Variants in MOK observed in about 807,000 individuals in gnomAD.
The protein encoded by MOK is MAPK/MAK/MRK overlapping kinase.
In MOK, 59 loss-of-function variants were observed where a neutral mutation model predicts 54.2. The ratio of observed to expected loss-of-function variants is 1.09; its 90% CI spans 0.88 to 1.35. The LOEUF (loss-of-function observed/expected upper bound fraction) is 1.35, where lower values mean the gene tolerates loss of function less well. Among genes scored for constraint, MOK ranks in the 40% most tolerant of loss-of-function variants. MOK has a pLI of 0.00. For synonymous variants in MOK, 210 were observed against 202.7 expected (o/e 1.04, Z -0.31); for missense variants, 517 against 526.2 (o/e 0.98, Z 0.17).
At chr14:102,265,521 A>G (rs1465643347) in intron 3 of MOK, among the ~76,000 whole-genome samples, 1 of 152,006 alleles carries the variant, frequency 6.6e-6, no homozygotes, top group Non-Finnish European at 1.5e-5. Context: ...GATCCCAGCT[A>G]CTCGGGAGGC....
Position 102,231,636 on chromosome 14 carries a change from GAC to G in MOK, c.981+69_981+70del. The G allele has an allele frequency of 7.1e-7, 1 of 1,405,436 alleles. No homozygotes were observed. Among genetic ancestry groups the G allele is most frequent in the Non-Finnish European group, 1.0e-6 (1 of 999,678 alleles). The allele number at this position is 1,405,436 out of a possible 1,614,324, so 87.1% of individuals were successfully genotyped here. On this transcript the variant is annotated intron_variant, in intron 10 of 11. Coordinates refer to ENST00000361847, the MANE Select transcript of MOK (RefSeq NM_014226.3). This position sits in a 1 kb window ranked among gnomAD's most constrained non-coding sequence, Gnocchi z 4.4. Reference sequence around the variant, plus strand: ...CCACAGGTGGCGTCCTCCTGAGAGAGACACAGGCCACCCGAGGGCATCCAGTC... The same window carrying G: ...CCACAGGTGGCGTCCTCCTGAGAGAGACAGGCCACCCGAGGGCATCCAGTC...
intron 2 of MOK, among the ~76,000 whole-genome samples, chr14:102,282,880 T>C (rs1176556539): frequency 6.6e-6 from 1 of 151,988 alleles, no homozygotes; most frequent in African/African-American, 2.4e-5. Flanking sequence ...TGGTGAAACC[T>C]GATCTATACT....
At chr14:102,227,920 T>C (rs1228331921), downstream of MOK, among the ~76,000 whole-genome samples, 1 of 152,210 alleles carries the variant, frequency 6.6e-6, no homozygotes, top group Non-Finnish European at 1.5e-5. Context: ...TAAACACTAC[T>C]AGCCTGGGAA....
rs530570971 is a variant in MOK, at chr14:102,232,522, C to A, written c.866+13G>T. 1 of 1,608,088 alleles carries A rather than the reference C, an allele frequency of 6.2e-7. No individual in the cohort carries two copies. The highest frequency in any genetic ancestry group is 2.2e-5 in the East Asian group (1 of 44,750). On this transcript the variant is annotated intron_variant, in intron 9 of 11. Transcript: ENST00000361847. The surrounding 1 kb of genome is among the most constrained non-coding windows in gnomAD (Gnocchi z 5.1). ...TCCTGCATCTGCCCCACCGAACCCA[C>A]GAGAGTGCCTACCTCTGTTCTTGGA...
Position 102,232,325 on chromosome 14 carries a change from T to C in MOK, c.866+210A>G. On this transcript the variant is annotated intron_variant, in intron 9 of 11. Coordinates refer to ENST00000361847, the MANE Select transcript of MOK (RefSeq NM_014226.3). This position sits in a 1 kb window ranked among gnomAD's most constrained non-coding sequence, Gnocchi z 5.1. ...CAGCCAGCCCCTCTTTCTCCTGCCGTGGAGCTGCTAACATCCTCATTTTGG... is the reference window on the plus strand; with the variant it reads ...CAGCCAGCCCCTCTTTCTCCTGCCGCGGAGCTGCTAACATCCTCATTTTGG... 2.0e-6 allele frequency: 1 copy of C among 504,256 alleles called. No individual in the cohort carries two copies. 31.2% of individuals were successfully genotyped at this position (504,256 alleles called of 1,614,324 possible).
chr14:102,221,047 T>C (rs960848801), downstream of MOK, among the ~76,000 whole-genome samples: 1 of 152,200 alleles, frequency 6.6e-6, no homozygotes, highest in Non-Finnish European at 1.5e-5. The surrounding 1 kb of genome is among the most constrained non-coding windows in gnomAD (Gnocchi z 4.8). Context: ...CTGTCACTTG[T>C]TTTTAAGTTG....
chr14:102,287,657 G>T (rs2070275907), intron 1 of MOK, among the ~76,000 whole-genome samples: 1 of 152,038 alleles, frequency 6.6e-6, no homozygotes, highest in African/African-American at 2.4e-5. Context: ...GGAAAAGCAA[G>T]TTAAAACTAT....
At chr14:102,260,848 G>A (rs953894471) in intron 4 of MOK, among the ~76,000 whole-genome samples, 2 of 152,092 alleles carry the variant, frequency 1.3e-5, no homozygotes, top group African/African-American at 4.8e-5. Context: ...AAGGCTGGGC[G>A]CAGTGGCTCA....
chr14:102,272,333 C>A (rs1418049554), intron 2 of MOK, among the ~76,000 whole-genome samples: 1 of 151,946 alleles, frequency 6.6e-6, no homozygotes, highest in African/African-American at 2.4e-5. Context: ...ACTAAAAATA[C>A]AAAAATTAGC....
rs1236379095 is a variant in MOK at position 102,249,269 on chromosome 14, A to G, written c.590+1543T>C. Reference sequence around the variant, plus strand: ...TGACTAATTCACAGTAACCGTGATAAATAACCCCACAGTGAGCCTCCCATC... The same window carrying G: ...TGACTAATTCACAGTAACCGTGATAGATAACCCCACAGTGAGCCTCCCATC... On this transcript the variant is annotated intron_variant, in intron 7 of 11. Transcript: ENST00000361847. This position sits in a 1 kb window ranked among gnomAD's most constrained non-coding sequence, Gnocchi z 5.3. 6.6e-6 allele frequency among the ~76,000 whole-genome samples: 1 copy of G among 152,204 alleles called. No individual in the cohort carries two copies. The highest frequency in any genetic ancestry group is 1.5e-5 in the Non-Finnish European group (1 of 68,036).
At chr14:102,214,775 A>G in the MOK span, 5 of 979,026 alleles carry the variant, frequency 5.1e-6, no homozygotes, top group Non-Finnish European at 6.1e-6. Context: ...AACATGAAAT[A>G]TTGGTAAATT....
In MOK at chr14:102,305,121, G is replaced by T; in HGVS notation, c.-153C>A. The T allele has an allele frequency of 2.2e-6, 2 of 906,930 alleles. No individual in the cohort carries two copies. Among genetic ancestry groups the T allele is most frequent in the Non-Finnish European group, 3.5e-6 (2 of 570,280 alleles). 56.2% of individuals were successfully genotyped at this position (906,930 alleles called of 1,614,324 possible). On this transcript the variant is annotated 5_prime_UTR_variant, in exon 1 of 12. Transcript: ENST00000361847. ...CTCGAAGGAGAGCGTTAGAGATCCC[G>T]CCGCCATGTTGTGTCCCTGTCACCC...
downstream of MOK, chr14:102,226,296 G>T (rs2064237806): frequency 1.4e-6 from 1 of 702,068 alleles, no homozygotes; most frequent in East Asian, 2.7e-5. This position sits in a 1 kb window ranked among gnomAD's most constrained non-coding sequence, Gnocchi z 4.8. Context: ...CACACAAGAA[G>T]GGTGACACTG....
intron 1 of MOK, among the ~76,000 whole-genome samples, chr14:102,297,143 G>A (rs1247278635): frequency 6.6e-6 from 1 of 152,032 alleles, no homozygotes; most frequent in Non-Finnish European, 1.5e-5. Flanking sequence ...AGATCACGAG[G>A]TCAGGAGATC....
downstream of MOK, among the ~76,000 whole-genome samples, chr14:102,228,498 G>A (rs1034694368): frequency 6.6e-6 from 1 of 152,208 alleles, no homozygotes; most frequent in Middle Eastern, 3.4e-3. Flanking sequence ...GGAGTTTTGA[G>A]ACCAGCCTGA....
chr14:102,224,334 C>G (rs969897461), downstream of MOK, among the ~76,000 whole-genome samples: 3 of 152,104 alleles, frequency 2.0e-5, no homozygotes, highest in Non-Finnish European at 4.4e-5. Flanking sequence ...GCCACTGCGC[C>G]CGGCCTTACC....
intron 2 of MOK, among the ~76,000 whole-genome samples, chr14:102,279,127 C>A (rs1232721942): frequency 6.6e-6 from 1 of 152,208 alleles, no homozygotes; most frequent in Non-Finnish European, 1.5e-5. Context: ...TAACCCTACA[C>A]TGAACCCCGG....
chr14:102,277,340 T>TG (rs1281524297), intron 2 of MOK: 1 of 152,094 alleles, frequency 6.6e-6, no homozygotes, highest in Non-Finnish European at 1.5e-5. Flanking sequence ...AGGCATAAAC[T>TG]GGCCAGGTGC....
chr14:102,226,348 T>C, downstream of MOK: 1 of 703,184 alleles, frequency 1.4e-6, no homozygotes, highest in Non-Finnish European at 2.6e-6. The surrounding 1 kb of genome is among the most constrained non-coding windows in gnomAD (Gnocchi z 4.8). Context: ...GGTTGAGGGA[T>C]GAACGTGTTT....
Sources: gnomAD v4.1 joint callset for allele counts (sites outside exome capture counted in the v4.1 genomes callset) on GRCh38, gnomAD v4.1.1 for gene constraint, Gnocchi (gnomAD v3.1) non-coding constraint, MANE v1.5 for transcripts, NCBI Gene and HGNC (gene_info 2026-07-23, HGNC 2026-07-21) for gene names.